Variants in LRP5 observed in about 807,000 individuals in gnomAD.
LRP5 encodes the protein LDL receptor related protein 5.
A neutral mutation model predicts 154.1 loss-of-function variants in LRP5; 62 were observed. The ratio of observed to expected loss-of-function variants is 0.40; its 90% CI spans 0.33 to 0.50. The LOEUF is 0.50. Among genes scored for constraint, LRP5 ranks in the 20% least tolerant of loss-of-function variants. The pLI is 0.55. For synonymous variants in LRP5, 966 were observed against 1,011.5 expected, an observed-to-expected ratio of 0.96 and a Z score of 0.85; for missense variants, 1,915 against 2,336.7, an observed-to-expected ratio of 0.82 and a Z score of 3.72.
chr11:68,447,625 G>A lies in LRP5; in HGVS notation c.4586+1092G>A, dbSNP rs761166850. Among the ~76,000 whole-genome samples the A allele has an allele frequency of 1.3e-5, 2 of 151,988 alleles. No individual in the cohort carries two copies. The highest frequency in any genetic ancestry group is 2.4e-5 in the African/African-American group (1 of 41,360). ...CCACCTCCTGCCTTTGCTCATGCCC[G>A]TCCTGCTCTGGGCCCACCGCGGACA... On this transcript the variant is annotated intron_variant, in intron 22 of 22. Transcript: ENST00000294304. This position sits in a 1 kb window ranked among gnomAD's most constrained non-coding sequence, Gnocchi z 4.3.
chr11:68,380,327 G>C (rs1200378949), intron 5 of LRP5, among the ~76,000 whole-genome samples: 1 of 152,208 alleles, frequency 6.6e-6, no homozygotes, highest in Non-Finnish European at 1.5e-5. Context: ...GTCCATAAAT[G>C]AAGTTTTGTT....
Position 68,413,268 on chromosome 11 carries a change from C to T in LRP5, c.2504-421C>T, listed in dbSNP as rs538722133. The T allele has an allele frequency of 4.0e-4, 134 of 333,810 alleles. No individual in the cohort carries two copies. The highest frequency in any genetic ancestry group is 8.9e-4 in the Admixed American group (20 of 22,538). The allele number at this position is 333,810 out of a possible 1,614,324, so 20.7% of individuals were successfully genotyped here. A position where few individuals can be genotyped will look rare whatever the true frequency, so the allele number is the denominator to read the frequency against. ...ACTCATGTGACCCTGCCAATGAGGG[C>T]GGCCATGTGCATTGCAGCCTGGCCG... On this transcript the variant is annotated intron_variant, in intron 11 of 22. Transcript: ENST00000294304. This position sits in a 1 kb window ranked among gnomAD's most constrained non-coding sequence, Gnocchi z 5.1.
At chr11:68,307,701 C>T (rs1279381769), upstream of LRP5, among the ~76,000 whole-genome samples, 2 of 151,838 alleles carry the variant, frequency 1.3e-5, no homozygotes, top group Non-Finnish European at 2.9e-5. Context: ...GCCTGTAGTT[C>T]CAGCTACTTG....
intron 1 of LRP5, among the ~76,000 whole-genome samples, chr11:68,319,564 G>A (rs2098595525): frequency 6.6e-6 from 1 of 151,894 alleles, no homozygotes; most frequent in Non-Finnish European, 1.5e-5. Flanking sequence ...CTATTGCCCA[G>A]CTCCTGGCCT....
At chr11:68,404,173 T>G in intron 8 of LRP5, 1 of 445,246 alleles carries the variant, frequency 2.2e-6, no homozygotes, top group Non-Finnish European at 4.4e-6. Flanking sequence ...TTCAGGACGC[T>G]CCCCGAGGAG....
chr11:68,445,746 G>A, intron 21 of LRP5: 4 of 1,093,130 alleles, frequency 3.7e-6, no homozygotes, highest in Non-Finnish European at 5.0e-6. Flanking sequence ...CCTTTGTAGG[G>A]CTGGTTGTGT....
Position 68,386,484 on chromosome 11 carries a change from G to C in LRP5, c.1184G>C (p.Arg395Pro). Residue 395 changes from arginine to proline, a missense_variant, in exon 6 of 23, where the codon CGG (arginine) becomes CCG (proline). By Grantham distance (103) the Arg-to-Pro change is moderately radical. Coordinates refer to ENST00000294304, the MANE Select transcript of LRP5 (RefSeq NM_002335.4). This position sits in a 1 kb window ranked among gnomAD's most constrained non-coding sequence, Gnocchi z 7.9. ...GYVYWTDDEV[R>P]AIRRAYLDGS... ...GTCTACTGGACAGATGACGAGGTGC[G>C]GGCCATCCGCAGGGCGTACCTGGAC... 6.2e-7 allele frequency: 1 copy of C among 1,614,036 alleles called. No homozygotes were observed. Among genetic ancestry groups the C allele is most frequent in the Middle Eastern group, 1.6e-4 (1 of 6,062 alleles).
At chr11:68,341,966 G>C (rs1486644799) in intron 1 of LRP5, among the ~76,000 whole-genome samples, 2 of 152,176 alleles carry the variant, frequency 1.3e-5, no homozygotes, top group Non-Finnish European at 2.9e-5. Context: ...GCACTCGCCT[G>C]CTGGAGGAGT....
At chr11:68,428,686 A>G (rs139445334) in intron 16 of LRP5, among the ~76,000 whole-genome samples, 1,612 of 150,700 alleles carry the variant, frequency 0.011, 10 homozygotes, top group Admixed American at 0.017. Context: ...CTTAACCTGC[A>G]AAGACCCTTT....
chr11:68,416,294 C>G, intron 12 of LRP5, 34 bp from the exon 13 acceptor site: 3 of 1,595,794 alleles, frequency 1.9e-6, no homozygotes, highest in Non-Finnish European at 2.6e-6. Flanking sequence ...GGCTTACAGA[C>G]ACCCACCTGC....
chr11:68,397,580 C>A (rs2098650145), intron 7 of LRP5, among the ~76,000 whole-genome samples: 1 of 152,224 alleles, frequency 6.6e-6, no homozygotes, highest in South Asian at 2.1e-4. Context: ...TGCCTGGAGG[C>A]TGGAAGCTGT....
At chr11:68,340,226 G>A (rs2098608146) in intron 1 of LRP5, among the ~76,000 whole-genome samples, 1 of 152,134 alleles carries the variant, frequency 6.6e-6, no homozygotes, top group Non-Finnish European at 1.5e-5. Flanking sequence ...GGCAACTAGA[G>A]TGAAACTCCG....
intron 5 of LRP5, among the ~76,000 whole-genome samples, chr11:68,381,528 G>A (rs1321412611): frequency 2.6e-5 from 4 of 152,220 alleles, no homozygotes; most frequent in Non-Finnish European, 4.4e-5. Context: ...TTGGCCTCGC[G>A]GAAGGGATGT....
chr11:68,369,826 C>T (rs1286093250), intron 5 of LRP5, among the ~76,000 whole-genome samples: 4 of 152,116 alleles, frequency 2.6e-5, no homozygotes, highest in Admixed American at 2.0e-4. Context: ...TGGAGACCCC[C>T]AAATAACTTG....
chr11:68,398,114 TC>T (rs1161816537), intron 7 of LRP5, among the ~76,000 whole-genome samples: 1 of 152,156 alleles, frequency 6.6e-6, no homozygotes, highest in Non-Finnish European at 1.5e-5. Context: ...GGGTACTTCT[TC>T]CCTCAGACAA....
chr11:68,309,615 T>C (rs2098586531), upstream of LRP5, among the ~76,000 whole-genome samples: 1 of 151,550 alleles, frequency 6.6e-6, no homozygotes, highest in South Asian at 2.1e-4. Flanking sequence ...TGGTACATTT[T>C]CTATGTAATC....
At chr11:68,324,327 C>T (rs1049651143) in intron 1 of LRP5, among the ~76,000 whole-genome samples, 2 of 152,240 alleles carry the variant, frequency 1.3e-5, no homozygotes, top group African/African-American at 2.4e-5. Flanking sequence ...GTGAGAGCTG[C>T]GTCCACAGGG....
At chr11:68,422,345 G>C (rs2098666255) in intron 13 of LRP5, among the ~76,000 whole-genome samples, 1 of 148,050 alleles carries the variant, frequency 6.8e-6, no homozygotes, top group East Asian at 1.9e-4. Flanking sequence ...TCAATGGAGA[G>C]GGAGGGGAGC....
Position 68,433,672 on chromosome 11 carries a change from G to A in LRP5, c.3834G>A (p.Trp1278Ter), listed in dbSNP as rs2098673217. ...AGATCGACTGTATCCCCGGGGCCTG[G>A]CGCTGTGACGGCTTTCCCGAGTGCG... The part of the protein sequence containing the change: ...TGEIDCIPGA[W>*]RCDGFPECDD... Residue 1278 changes from tryptophan to a stop codon, truncating the protein, a stop_gained, in exon 18 of 23, where the codon TGG becomes TGA. Coordinates refer to ENST00000294304, the MANE Select transcript of LRP5 (RefSeq NM_002335.4). LOFTEE classifies it high-confidence loss of function. 6.2e-7 allele frequency: 1 copy of A among 1,613,334 alleles called. No homozygotes were observed. Among genetic ancestry groups the A allele is most frequent in the African/African-American group, 1.3e-5 (1 of 74,950 alleles).
Sources: allele counts gnomAD v4.1 joint callset (sites outside exome capture counted in the v4.1 genomes callset), GRCh38; gene constraint gnomAD v4.1.1; non-coding constraint Gnocchi (gnomAD v3.1); transcripts MANE v1.5; gene names NCBI Gene and HGNC (gene_info 2026-07-23, HGNC 2026-07-21).